The following CNTN5 variants were observed in gnomAD, a reference collection of about 807,000 sequenced individuals.
CNTN5 encodes contactin-5.
A neutral mutation model predicts 129.1 loss-of-function variants in CNTN5; 77 were observed. That is an observed-to-expected ratio of 0.60 (90% CI 0.50 to 0.72). CNTN5 has a LOEUF of 0.72. Ranked by LOEUF, CNTN5 falls within the 30% of genes least tolerant of loss-of-function variation. CNTN5 has a pLI of 0.00. For synonymous variants in CNTN5, 509 were observed against 465.6 expected (o/e 1.09, Z -1.20); for missense variants, 1,478 against 1,328.8 (o/e 1.11, Z -1.75).
chr11:99,380,059 T>C (rs1940438540), intron 2 of CNTN5, among the ~76,000 whole-genome samples: 2 of 150,026 alleles, frequency 1.3e-5, no homozygotes, highest in African/African-American at 2.5e-5. Flanking sequence ...CCGTATACAA[T>C]GGTGGTCTCA....
chr11:100,108,607 A>T (rs1591260216), intron 13 of CNTN5, among the ~76,000 whole-genome samples: 1 of 152,290 alleles, frequency 6.6e-6, no homozygotes, highest in African/African-American at 2.4e-5. Context: ...TAAACTTTGG[A>T]ACACTTTCTC....
intron 3 of CNTN5, among the ~76,000 whole-genome samples, chr11:99,812,073 C>G (rs1222410518): frequency 6.6e-6 from 1 of 152,052 alleles, no homozygotes; most frequent in African/African-American, 2.4e-5. Flanking sequence ...AAAAGGCCTA[C>G]TGGAAGTCAG....
At chr11:99,652,526 C>G (rs539404038) in intron 3 of CNTN5, among the ~76,000 whole-genome samples, 1 of 152,114 alleles carries the variant, frequency 6.6e-6, no homozygotes, top group South Asian at 2.1e-4. Flanking sequence ...ATCTCACGAT[C>G]CTGTCAACCA....
At chr11:99,903,188 C>T (rs2135957237) in intron 6 of CNTN5, among the ~76,000 whole-genome samples, 1 of 152,016 alleles carries the variant, frequency 6.6e-6, no homozygotes, top group Non-Finnish European at 1.5e-5. Flanking sequence ...CTCTGCAATA[C>T]ACGAATGAAG....
intron 3 of CNTN5, among the ~76,000 whole-genome samples, chr11:99,764,090 T>C (rs540514251): frequency 6.6e-6 from 1 of 152,286 alleles, no homozygotes; most frequent in South Asian, 2.1e-4. Context: ...AAAATTTAGA[T>C]ATCAATCTAC....
At chr11:99,328,700 G>A (rs1483341191) in intron 2 of CNTN5, among the ~76,000 whole-genome samples, 3 of 151,380 alleles carry the variant, frequency 2.0e-5, no homozygotes, top group Non-Finnish European at 2.9e-5. Flanking sequence ...GAGAAACCCC[G>A]TCTCTACTAA....
At chr11:99,152,040 AAGT>A (rs1337729865) in intron 1 of CNTN5, among the ~76,000 whole-genome samples, 1 of 152,168 alleles carries the variant, frequency 6.6e-6, no homozygotes, top group African/African-American at 2.4e-5. Context: ...AGTAATGAAA[AAGT>A]AGTAGGAATA....
intron 2 of CNTN5, among the ~76,000 whole-genome samples, chr11:99,450,456 G>A (rs961945501): frequency 5.9e-5 from 9 of 151,984 alleles, no homozygotes; most frequent in Non-Finnish European, 1.2e-4. Context: ...TGTCCTTAGG[G>A]GAAGAACTAT....
chr11:99,453,558 C>T (rs1451053412), intron 2 of CNTN5, among the ~76,000 whole-genome samples: 1 of 152,018 alleles, frequency 6.6e-6, no homozygotes, highest in African/African-American at 2.4e-5. Flanking sequence ...ATAAGAGTAA[C>T]CAAATGCAAT....
intron 2 of CNTN5, among the ~76,000 whole-genome samples, chr11:99,335,642 G>A (rs1866187992): frequency 6.6e-6 from 1 of 151,894 alleles, no homozygotes; most frequent in Non-Finnish European, 1.5e-5. Flanking sequence ...TTCCCTCTGA[G>A]GTTTCATACA....
intron 1 of CNTN5, among the ~76,000 whole-genome samples, chr11:99,213,958 C>T (rs1859974454): frequency 6.6e-6 from 1 of 152,078 alleles, no homozygotes; most frequent in African/African-American, 2.4e-5. Flanking sequence ...ATGTATTTAA[C>T]TAAAATTTTT....
chr11:99,902,881 G>T (rs936339606), intron 6 of CNTN5, among the ~76,000 whole-genome samples: 1 of 152,056 alleles, frequency 6.6e-6, no homozygotes, highest in Admixed American at 6.6e-5. Flanking sequence ...GGCCAAGGAC[G>T]GGGAGCAGAT....
chr11:99,477,417 A>G (rs1296354631), intron 2 of CNTN5, among the ~76,000 whole-genome samples: 1 of 151,860 alleles, frequency 6.6e-6, no homozygotes, highest in Non-Finnish European at 1.5e-5. Flanking sequence ...CATTTATTTC[A>G]TTATTTTATT....
At chr11:99,594,671 A>T (rs1950072921) in intron 3 of CNTN5, among the ~76,000 whole-genome samples, 1 of 152,224 alleles carries the variant, frequency 6.6e-6, no homozygotes, top group Admixed American at 6.5e-5. Context: ...AATAGGTAGC[A>T]TCAGGTTTGC....
At chr11:100,246,451 C>A (rs915876787) in intron 16 of CNTN5, among the ~76,000 whole-genome samples, 4 of 152,048 alleles carry the variant, frequency 2.6e-5, no homozygotes, top group Admixed American at 1.3e-4. Context: ...ATTTTCTAGG[C>A]ATCTTGTACA....
At chr11:99,930,878 T>G (rs1018615772) in intron 7 of CNTN5, among the ~76,000 whole-genome samples, 1 of 152,102 alleles carries the variant, frequency 6.6e-6, no homozygotes, top group Non-Finnish European at 1.5e-5. Context: ...TTAGCAGTTA[T>G]TTAGAAGCCA....
intron 9 of CNTN5, among the ~76,000 whole-genome samples, chr11:100,021,757 A>G (rs1366166557): frequency 1.3e-5 from 2 of 152,178 alleles, no homozygotes; most frequent in Non-Finnish European, 2.9e-5. Flanking sequence ...GTTGAGGAAC[A>G]AGGAAACCAG....
chr11:99,883,239 G>A (rs1370181287), intron 6 of CNTN5, among the ~76,000 whole-genome samples: 1 of 152,174 alleles, frequency 6.6e-6, no homozygotes, highest in Non-Finnish European at 1.5e-5. Flanking sequence ...CAAGCAGTGG[G>A]ATTGTTGGAT....
chr11:99,614,396 C>A (rs1950692853), intron 3 of CNTN5, among the ~76,000 whole-genome samples: 1 of 152,068 alleles, frequency 6.6e-6, no homozygotes, highest in African/African-American at 2.4e-5. Flanking sequence ...TTGCTTTTTT[C>A]ATTGCACCAC....
Sources: gnomAD v4.1 joint callset for allele counts (sites outside exome capture counted in the v4.1 genomes callset) on GRCh38, gnomAD v4.1.1 for gene constraint, MANE v1.5 for transcripts, NCBI Gene and HGNC (gene_info 2026-07-23, HGNC 2026-07-21) for gene names.